STOX2: variants seen among roughly 807,000 people sequenced by gnomAD.
STOX2 encodes the protein storkhead box 2, also known as storkhead-box protein 2.
Under a neutral mutation model 60.9 loss-of-function variants are expected in STOX2, and 28 were observed. The observed-to-expected ratio is 0.46, with a 90% CI of 0.34 to 0.63. The LOEUF is 0.63. Among genes scored for constraint, STOX2 ranks in the 30% least tolerant of loss-of-function variants. The probability of loss-of-function intolerance (pLI) is 0.01; values close to 1 mark genes in which losing one functional copy is unlikely to be tolerated. For missense variants in STOX2, 1,024 were observed against 1,187.7 expected (o/e 0.86, Z 2.03); for synonymous variants, 472 against 463.9 (o/e 1.02, Z -0.22).
chr4:183,884,692 T>G (rs546708361), intron 1 of STOX2, among the ~76,000 whole-genome samples: 1 of 152,242 alleles, frequency 6.6e-6, no homozygotes, highest in East Asian at 1.9e-4. Flanking sequence ...CATTCATACG[T>G]TTAGGCTGGC....
intron 3 of STOX2, among the ~76,000 whole-genome samples, chr4:184,013,043 T>C (rs1315873568): frequency 6.6e-6 from 1 of 152,186 alleles, no homozygotes; most frequent in Non-Finnish European, 1.5e-5. Context: ...TGTTCTACTG[T>C]TTCTCATTAT....
chr4:183,835,438 A>G (rs1444320258), intron 1 of STOX2, among the ~76,000 whole-genome samples: 1 of 151,870 alleles, frequency 6.6e-6, no homozygotes, highest in Non-Finnish European at 1.5e-5. Flanking sequence ...GTTAGCCAGG[A>G]TGGTCTTGAT....
intron 1 of STOX2, among the ~76,000 whole-genome samples, chr4:183,832,951 G>A (rs986534825): frequency 3.3e-5 from 5 of 152,168 alleles, no homozygotes; most frequent in Admixed American, 1.3e-4. Flanking sequence ...TACAGATTCC[G>A]TCAAAACCTG....
chr4:183,935,657 G>A lies in STOX2; in HGVS notation c.166+28701G>A, dbSNP rs562271330. On this transcript the variant is annotated intron_variant, in intron 1 of 3. Coordinates refer to ENST00000308497, the MANE Select transcript of STOX2 (RefSeq NM_020225.3). ...TCTTGGAACAATCCTTTTAAACTGAGTCTTTCTTCACCTGTAGAAACAAGT... is the reference window on the plus strand; with the variant it reads ...TCTTGGAACAATCCTTTTAAACTGAATCTTTCTTCACCTGTAGAAACAAGT... Among the ~76,000 whole-genome samples, 58 of 152,318 alleles carry A rather than the reference G, an allele frequency of 3.8e-4. No individual in the cohort carries two copies. In the South Asian group the frequency reaches 9.3e-3, roughly 25 times the overall value.
chr4:184,020,686 G>C lies in STOX2; in HGVS notation c.*3402G>C, dbSNP rs941414363. The C allele has an allele frequency of 1.3e-5, 2 of 151,562 alleles. No homozygotes were observed. Among genetic ancestry groups the C allele is most frequent in the South Asian group, 2.1e-4 (1 of 4,800 alleles). 9.4% of individuals were successfully genotyped at this position (151,562 alleles called of 1,614,324 possible). On this transcript the variant is annotated 3_prime_UTR_variant, in exon 4 of 4. Transcript: ENST00000308497. ...GGACCATAATGAACATATGAAAGGG[G>C]GGGGGGTGCCATCAAATAGAGAAAA...
intron 1 of STOX2, among the ~76,000 whole-genome samples, chr4:183,886,591 G>T (rs901763913): frequency 6.6e-6 from 1 of 152,200 alleles, no homozygotes; most frequent in Non-Finnish European, 1.5e-5. Flanking sequence ...TTCCAGCACC[G>T]TCCAGGTGCA....
chr4:183,872,351 C>T (rs551100601), intron 1 of STOX2, among the ~76,000 whole-genome samples: 20 of 152,208 alleles, frequency 1.3e-4, no homozygotes, highest in African/African-American at 1.9e-4. Flanking sequence ...CCACTGTGCC[C>T]GGCCAAGTGG....
intron 1 of STOX2, among the ~76,000 whole-genome samples, chr4:183,922,140 AT>A (rs1433285340): frequency 6.6e-6 from 1 of 152,184 alleles, no homozygotes; most frequent in Non-Finnish European, 1.5e-5. Context: ...TTTACAGCAC[AT>A]TAAATGTATA....
intron 1 of STOX2, among the ~76,000 whole-genome samples, chr4:183,945,957 G>A (rs1251802969): frequency 6.6e-6 from 1 of 152,200 alleles, no homozygotes; most frequent in South Asian, 2.1e-4. Flanking sequence ...AAACCATTGT[G>A]AATGTAGTCC....
intron 1 of STOX2, among the ~76,000 whole-genome samples, chr4:183,966,540 C>G (rs561711279): frequency 1.3e-5 from 2 of 152,208 alleles, no homozygotes; most frequent in African/African-American, 2.4e-5. Context: ...GCGCCTCCCC[C>G]AGAAGCCGTT....
At chr4:183,857,962 T>C (rs1740340907) in intron 1 of STOX2, among the ~76,000 whole-genome samples, 1 of 152,194 alleles carries the variant, frequency 6.6e-6, no homozygotes, top group Admixed American at 6.5e-5. Flanking sequence ...ATCGAGTGCC[T>C]TTTATACCCC....
At chr4:183,922,114 C>G (rs1474712743) in intron 1 of STOX2, among the ~76,000 whole-genome samples, 1 of 152,102 alleles carries the variant, frequency 6.6e-6, no homozygotes, top group Non-Finnish European at 1.5e-5. Flanking sequence ...CTCTTTAGAG[C>G]AAAGGGTTTT....
chr4:184,016,548 T>G (rs1443640017), intron 3 of STOX2, among the ~76,000 whole-genome samples: 2 of 152,198 alleles, frequency 1.3e-5, no homozygotes, highest in Non-Finnish European at 2.9e-5. Context: ...ATAAAACGTT[T>G]AAAGTGAATT....
chr4:183,857,139 G>A (rs1171291382), intron 1 of STOX2, among the ~76,000 whole-genome samples: 2 of 152,036 alleles, frequency 1.3e-5, no homozygotes, highest in African/African-American at 2.4e-5. Context: ...TGCAGAACTG[G>A]TTATCCCGCA....
chr4:183,990,497 C>G (rs57985307), intron 1 of STOX2, among the ~76,000 whole-genome samples: 1 of 147,814 alleles, frequency 6.8e-6, no homozygotes, highest in Non-Finnish European at 1.5e-5. Flanking sequence ...TTTCTGCTGT[C>G]TACATCTCCT....
intron 1 of STOX2, among the ~76,000 whole-genome samples, chr4:183,818,086 C>CT (rs984007368): frequency 6.3e-5 from 9 of 142,984 alleles, no homozygotes; most frequent in African/African-American, 7.8e-5. Context: ...TTTTTCTTTT[C>CT]TTTTTTTTTT....
At position 183,982,890 on chromosome 4, in the gene STOX2, A is replaced by G. The variant is rs540440782; in HGVS notation, c.167-18435A>G. Reference sequence around the variant, plus strand: ...CCTCAGTAATTATCTTTTCCTTTGGATGCATCCTATACCCTGTTGCCTGCA... The same window carrying G: ...CCTCAGTAATTATCTTTTCCTTTGGGTGCATCCTATACCCTGTTGCCTGCA... On this transcript the variant is annotated intron_variant, in intron 1 of 3. Transcript: ENST00000308497. Among the ~76,000 whole-genome samples the G allele has an allele frequency of 3.9e-4, 60 of 152,194 alleles. 1 individual carries two copies. In the South Asian group the frequency reaches 7.9e-3, roughly 20 times the overall value.
At chr4:183,857,815 G>A (rs1740337956) in intron 1 of STOX2, among the ~76,000 whole-genome samples, 1 of 152,064 alleles carries the variant, frequency 6.6e-6, no homozygotes, top group African/African-American at 2.4e-5. Flanking sequence ...GCTGTTGGCG[G>A]CACAGCTCCC....
At chr4:183,984,729 G>A (rs1007152203) in intron 1 of STOX2, among the ~76,000 whole-genome samples, 1 of 152,170 alleles carries the variant, frequency 6.6e-6, no homozygotes, top group Non-Finnish European at 1.5e-5. Flanking sequence ...GGACGCAGGC[G>A]AGTGCCAAGC....
Sources: gnomAD v4.1 joint callset for allele counts (sites outside exome capture counted in the v4.1 genomes callset) on GRCh38, gnomAD v4.1.1 for gene constraint, MANE v1.5 for transcripts, NCBI Gene and HGNC (gene_info 2026-07-23, HGNC 2026-07-21) for gene names.